The following CSF2RA variants were observed in gnomAD, a reference collection of about 807,000 sequenced individuals.
CSF2RA encodes granulocyte-macrophage colony-stimulating factor receptor subunit alpha.
Under a neutral mutation model 51.6 loss-of-function variants are expected in CSF2RA, and 42 were observed. That is an observed-to-expected ratio of 0.81 (90% CI 0.64 to 1.05). The LOEUF (loss-of-function observed/expected upper bound fraction) is 1.05, where lower values mean the gene tolerates loss of function less well. Among genes scored for constraint, CSF2RA ranks in the 50% least tolerant of loss-of-function variants. CSF2RA has a pLI of 0.00. For synonymous variants in CSF2RA, 222 were observed against 193.0 expected (o/e 1.15, Z -1.24); for missense variants, 530 against 501.1 (o/e 1.06, Z -0.55).
intron 9 of CSF2RA, 150 bp downstream of exon 9, chrX:1,295,606 C>A: frequency 1.3e-6 from 1 of 750,980 alleles, no homozygotes; most frequent in South Asian, 1.4e-5. Context: ...GTCCCCTACT[C>A]ACCACACCTA....
At chrX:1,286,462 G>A (rs1390059930) in intron 4 of CSF2RA, among the ~76,000 whole-genome samples, 2 of 114,272 alleles carry the variant, frequency 1.8e-5, no homozygotes, top group African/African-American at 3.0e-5. Flanking sequence ...CCAGCTACTC[G>A]GGAGGCTGAG....
intron 11 of CSF2RA, 46 bp downstream of exon 11, chrX:1,304,065 C>A (rs1371718222): frequency 4.7e-6 from 7 of 1,483,420 alleles, no homozygotes; most frequent in Middle Eastern, 1.7e-4. Flanking sequence ...ACAGGCCAGG[C>A]CGGGAGGAAA....
rs1330648915 is a variant in CSF2RA at position 1,268,872 on chromosome X, C to G, written c.-98C>G. The G allele has an allele frequency of 6.6e-6, 3 of 453,830 alleles. No homozygotes were observed. The highest frequency in any genetic ancestry group is 1.3e-5 in the Non-Finnish European group (3 of 226,750). 28.1% of individuals were successfully genotyped at this position (453,830 alleles called of 1,614,324 possible). ...CAGGTGGAAGGAGAGGAAGCGGATG[C>G]CGTGGGGGTAAGCTAAGTTCTTTCC... On this transcript the variant is annotated 5_prime_UTR_variant, in exon 1 of 13. Transcript: ENST00000381529.
intron 4 of CSF2RA, chrX:1,287,209 A>G (rs1329760274): frequency 7.2e-6 from 1 of 139,628 alleles, no homozygotes; most frequent in Non-Finnish European, 1.5e-5. Context: ...GCTGGAGTAC[A>G]CTGGTGTGAT....
chrX:1,304,124 C>T, intron 11 of CSF2RA, 105 bp downstream of exon 11: 1 of 1,077,634 alleles, frequency 9.3e-7, no homozygotes, highest in East Asian at 2.4e-5. Flanking sequence ...GAAACACAGC[C>T]TTGGCCGGGC....
intron 10 of CSF2RA, 100 bp downstream of exon 10, chrX:1,300,726 T>C: frequency 1.3e-6 from 2 of 1,499,406 alleles, no homozygotes; most frequent in South Asian, 2.3e-5. Context: ...GAGATCGAGT[T>C]GAGCACGTCG....
chrX:1,313,546 C>G, downstream of CSF2RA, among the ~76,000 whole-genome samples: 1 of 67,728 alleles, frequency 1.5e-5, no homozygotes. Context: ...CTCGTCTCTA[C>G]TAAAAATACA....
chrX:1,294,211 A>G lies in CSF2RA; in HGVS notation c.647-117A>G, dbSNP rs1166822222. 12 of 1,246,768 alleles carry G rather than the reference A, an allele frequency of 9.6e-6. No homozygotes were observed. The African/African-American group carries it at 1.6e-4, about 16-fold the overall frequency. 77.2% of individuals were successfully genotyped at this position (1,246,768 alleles called of 1,614,324 possible). The stretch of plus-strand genomic sequence containing the variant: ...CCTGGACCCAGTGTAGACAGGACCT[A>G]CTCCACCTCCACCTGGACCCAGTGT... On this transcript the variant is annotated intron_variant, in intron 7 of 12. Transcript: ENST00000381529.
At chrX:1,305,353 C>T in intron 11 of CSF2RA, 93 bp from the exon 12 acceptor site, 6 of 1,379,712 alleles carry the variant, frequency 4.3e-6, no homozygotes, top group Non-Finnish European at 6.2e-6. Context: ...GCGCAGACAC[C>T]CCGCACGCAG....
intron 12 of CSF2RA, among the ~76,000 whole-genome samples, chrX:1,306,367 C>G (rs2083566292): frequency 1.3e-5 from 2 of 151,894 alleles, no homozygotes; most frequent in African/African-American, 4.8e-5. Flanking sequence ...CAGGCGGGGG[C>G]CGGTCGCGGT....
downstream of CSF2RA, among the ~76,000 whole-genome samples, chrX:1,311,461 G>A (rs1224938784): frequency 4.0e-5 from 6 of 150,128 alleles, no homozygotes; most frequent in Non-Finnish European, 8.9e-5. Context: ...TTAAGTTGGA[G>A]TCTTGCTTTG....
chrX:1,274,784 A>G lies in CSF2RA; in HGVS notation c.-61A>G. 1 of 453,628 alleles carries G rather than the reference A, an allele frequency of 2.2e-6. No homozygotes were observed. The highest frequency in any genetic ancestry group is 2.4e-5 in the Admixed American group (1 of 42,460). The allele number at this position is 453,628 out of a possible 1,614,324, so 28.1% of individuals were successfully genotyped here. On this transcript the variant is annotated 5_prime_UTR_variant, in exon 2 of 13. Coordinates refer to ENST00000381529, the MANE Select transcript of CSF2RA (RefSeq NM_172245.4). ...CAGCAGGAAAATCCGTGGAGACAGC[A>G]GATCCGAGAAGCGGCGATGTTTGCG... is the stretch of plus-strand genomic sequence containing the variant.
intron 2 of CSF2RA, among the ~76,000 whole-genome samples, chrX:1,276,289 C>T (rs1411337246): frequency 3.3e-5 from 5 of 152,110 alleles, no homozygotes; most frequent in African/African-American, 1.2e-4. Flanking sequence ...CTGCCTCAGC[C>T]TCCAGAAGTA....
chrX:1,285,957 A>G (rs2090597863), intron 4 of CSF2RA, 37 bp downstream of exon 4: 1 of 1,613,352 alleles, frequency 6.2e-7, no homozygotes, highest in Admixed American at 1.7e-5. Context: ...CCTGTCCTTT[A>G]CACACCCCTT....
At chrX:1,305,031 TCAC>T (rs2083421112) in intron 11 of CSF2RA, among the ~76,000 whole-genome samples, 1 of 148,520 alleles carries the variant, frequency 6.7e-6, no homozygotes. Flanking sequence ...TCTCACTCTG[TCAC>T]CCAGGCTGGA....
chrX:1,282,686 TTC>T lies in CSF2RA; in HGVS notation c.-12_-11del, dbSNP rs1339311017. ...TATTTTCTCTCCTGCAGCTCTTCCCTTCTCTCTGACCAGCACCATGCTTCTCC... is the reference window on the plus strand; with the variant it reads ...TATTTTCTCTCCTGCAGCTCTTCCCTTCTCTGACCAGCACCATGCTTCTCC... On this transcript the variant is annotated 5_prime_UTR_variant, in exon 3 of 13. Transcript: ENST00000381529. The T allele has an allele frequency of 3.7e-6, 6 of 1,609,316 alleles. No individual in the cohort carries two copies. The Admixed American group carries it at 5.0e-5, about 13-fold the overall frequency.
In CSF2RA at chrX:1,292,058, C is replaced by T. The variant is rs187448250; in HGVS notation, c.646+1549C>T. ...TGTAGACAGGAGGAGACTGCACCAC[C>T]TCCACTTGGACCCAGTGTAGACAGG... On this transcript the variant is annotated intron_variant, in intron 7 of 12. Transcript: ENST00000381529. Among the ~76,000 whole-genome samples the T allele has an allele frequency of 2.5e-3, 369 of 148,784 alleles. 2 individuals are homozygous for T. The highest frequency in any genetic ancestry group is 3.2e-3 in the Non-Finnish European group (217 of 67,304).
At chrX:1,305,058 A>G (rs1198470565) in intron 11 of CSF2RA, among the ~76,000 whole-genome samples, 5 of 148,290 alleles carry the variant, frequency 3.4e-5, no homozygotes, top group Non-Finnish European at 5.9e-5. Context: ...CAGTGGTGCA[A>G]TCTCGGCTCA....
chrX:1,285,962 C>G (rs143387243), intron 4 of CSF2RA, 42 bp downstream of exon 4: 10 of 1,613,288 alleles, frequency 6.2e-6, no homozygotes, highest in Middle Eastern at 3.3e-4. Context: ...CCTTTACACA[C>G]CCCTTTCTGA....
Sources: allele counts gnomAD v4.1 joint callset (sites outside exome capture counted in the v4.1 genomes callset), GRCh38; gene constraint gnomAD v4.1.1; transcripts MANE v1.5; gene names NCBI Gene and HGNC (gene_info 2026-07-23, HGNC 2026-07-21).